Variants in OMA1 observed in about 807,000 individuals in gnomAD.
OMA1 encodes metalloendopeptidase OMA1, mitochondrial.
In OMA1, 38 loss-of-function variants were observed where a neutral mutation model predicts 30.9. The ratio of observed to expected loss-of-function variants is 1.23; its 90% CI spans 0.95 to 1.61. The LOEUF (loss-of-function observed/expected upper bound fraction) is 1.61, where lower values mean the gene tolerates loss of function less well. Among genes scored for constraint, OMA1 ranks in the 40% most tolerant of loss-of-function variants. OMA1 has a pLI of 0.00. For missense variants in OMA1, 461 were observed against 349.2 expected (o/e 1.32, Z -2.55); for synonymous variants, 173 against 121.9 (o/e 1.42, Z -2.76).
chr1:58,533,843 A>G (rs1223050058), intron 5 of OMA1, 110 bp downstream of exon 5: 13 of 719,176 alleles, frequency 1.8e-5, no homozygotes, highest in Non-Finnish European at 3.3e-5. Flanking sequence ...ACCCAAAACT[A>G]AAAGTCTATC....
At chr1:58,503,542 T>A (rs529222714) in intron 8 of OMA1, among the ~76,000 whole-genome samples, 2 of 152,226 alleles carry the variant, frequency 1.3e-5, no homozygotes, top group East Asian at 3.9e-4. Flanking sequence ...AAATTCCAAC[T>A]CCCAATGTGA....
intron 5 of OMA1, among the ~76,000 whole-genome samples, chr1:58,533,654 G>T (rs1192562616): frequency 6.6e-6 from 1 of 152,134 alleles, no homozygotes; most frequent in African/African-American, 2.4e-5. Flanking sequence ...AATAATTATA[G>T]AAAGTTTAAA....
intron 8 of OMA1, among the ~76,000 whole-genome samples, chr1:58,497,364 T>G (rs962827443): frequency 6.6e-6 from 1 of 152,178 alleles, no homozygotes; most frequent in Non-Finnish European, 1.5e-5. Context: ...AGAAATCTGA[T>G]GTAGACAGAA....
rs1324750404 is a variant in OMA1 at position 58,493,579 on chromosome 1, C to A, written c.1366-12405G>T. ...GCAACTTCAGCAAAGTCTCAGGATA[C>A]AAAATCAATGTGCAAAAATCACAAG... On this transcript the variant is annotated intron_variant, in intron 8 of 8. Coordinates refer to ENST00000371226, the MANE Select transcript of OMA1 (RefSeq NM_145243.5). Among the ~76,000 whole-genome samples the A allele has an allele frequency of 5.3e-5, 8 of 151,414 alleles. No individual in the cohort carries two copies. The South Asian group carries it at 1.7e-3, about 32-fold the overall frequency.
intron 8 of OMA1, among the ~76,000 whole-genome samples, chr1:58,481,380 T>A (rs1645479757): frequency 6.6e-6 from 1 of 152,142 alleles, no homozygotes; most frequent in African/African-American, 2.4e-5. Flanking sequence ...CAAATAGTAT[T>A]ATTTTAAAAA....
At chr1:58,513,511 AC>A (rs1314854170) in intron 7 of OMA1, among the ~76,000 whole-genome samples, 1 of 152,200 alleles carries the variant, frequency 6.6e-6, no homozygotes, top group Non-Finnish European at 1.5e-5. Context: ...ACTCTAGGTA[AC>A]CTTTCCTTCT....
chr1:58,499,863 A>G (rs2100402177), intron 8 of OMA1, among the ~76,000 whole-genome samples: 1 of 152,302 alleles, frequency 6.6e-6, no homozygotes, highest in Non-Finnish European at 1.5e-5. Flanking sequence ...TAAAGTATTT[A>G]TGAAACAACT....
At chr1:58,540,499 G>C (rs1646589456) in intron 1 of OMA1, among the ~76,000 whole-genome samples, 1 of 151,572 alleles carries the variant, frequency 6.6e-6, no homozygotes, top group South Asian at 2.1e-4. Context: ...ACATGTTTAA[G>C]AAGCTAAAGG....
intron 8 of OMA1, among the ~76,000 whole-genome samples, chr1:58,500,301 T>C (rs1645885654): frequency 6.6e-6 from 1 of 152,134 alleles, no homozygotes; most frequent in South Asian, 2.1e-4. Flanking sequence ...CTCAACACTC[T>C]CTATGTCAGA....
intron 7 of OMA1, among the ~76,000 whole-genome samples, chr1:58,515,956 A>G (rs895880412): frequency 2.0e-5 from 3 of 152,212 alleles, no homozygotes; most frequent in Non-Finnish European, 4.4e-5. Context: ...TTCTGTGATG[A>G]AAAATAGATT....
At chr1:58,493,879 G>T (rs910665462) in intron 8 of OMA1, among the ~76,000 whole-genome samples, 24 of 151,364 alleles carry the variant, frequency 1.6e-4, no homozygotes, top group Middle Eastern at 3.4e-3. Context: ...TCCCCATCAA[G>T]CTACCAATGA....
chr1:58,526,678 T>C (rs1035583769), intron 7 of OMA1, among the ~76,000 whole-genome samples: 1 of 150,522 alleles, frequency 6.6e-6, no homozygotes, highest in Non-Finnish European at 1.5e-5. Flanking sequence ...ATTTAAATGG[T>C]AGAAAATCAG....
intron 5 of OMA1, among the ~76,000 whole-genome samples, chr1:58,532,089 G>C (rs1569963983): frequency 6.6e-6 from 1 of 152,002 alleles, no homozygotes; most frequent in South Asian, 2.1e-4. Context: ...TGTTATTAAA[G>C]AATATAATTG....
rs760870424 is a variant in OMA1, at chr1:58,534,132, C to T, written c.903+26G>A. 2.3e-5 allele frequency: 20 copies of T among 867,792 alleles called. No individual in the cohort carries two copies. The Admixed American group carries it at 3.3e-4, about 14-fold the overall frequency. 53.8% of individuals were successfully genotyped at this position (867,792 alleles called of 1,614,324 possible). A position where few individuals can be genotyped will look rare whatever the true frequency, so the allele number is the denominator to read the frequency against. ...ATAAGGACAATAAATTTAACAATTA[C>T]AATGCGTTTGAGAACATTTACTTAC... On this transcript the variant is annotated intron_variant, in intron 4 of 8. Transcript: ENST00000371226.
In OMA1 at chr1:58,481,040, T is replaced by A. The variant is rs761654385; in HGVS notation, c.1500A>T (p.Lys500Asn). The A allele has an allele frequency of 5.7e-6, 5 of 872,042 alleles. 1 individual carries two copies. Among genetic ancestry groups the A allele is most frequent in the Middle Eastern group, 2.2e-4 (1 of 4,588 alleles). The allele number at this position is 872,042 out of a possible 1,614,324, so 54.0% of individuals were successfully genotyped here. ...GTTTTTGAATAGGAAGAGTATCCAT[T>A]TTCTGTTTCTTCGTGATATTTAGGT... ...KEDLNITKKQ[K>N]MDTLPIQKQE... The change falls in exon 9 of 9, where the codon AAA becomes AAT. Residue 500 changes from lysine to asparagine, a missense_variant. Physicochemically the swap from Lys to Asn is moderately conservative, Grantham distance 94. Transcript: ENST00000371226.
intron 7 of OMA1, among the ~76,000 whole-genome samples, chr1:58,511,473 C>T (rs949560657): frequency 2.0e-5 from 3 of 152,000 alleles, no homozygotes; most frequent in African/African-American, 7.3e-5. Flanking sequence ...CATGGTGAAA[C>T]CATCTCTACA....
chr1:58,481,631 T>G (rs984620508), intron 8 of OMA1, among the ~76,000 whole-genome samples: 1 of 152,134 alleles, frequency 6.6e-6, no homozygotes, highest in African/African-American at 2.4e-5. Flanking sequence ...GATAATAACC[T>G]AGTGATATGG....
At chr1:58,491,851 A>G (rs559733994) in intron 8 of OMA1, among the ~76,000 whole-genome samples, 48 of 152,356 alleles carry the variant, frequency 3.2e-4, no homozygotes, top group African/African-American at 1.1e-3. Context: ...CATTAGACAG[A>G]TCAATGAGAC....
intron 8 of OMA1, among the ~76,000 whole-genome samples, chr1:58,493,771 T>G (rs1458387520): frequency 6.6e-6 from 1 of 151,546 alleles, no homozygotes; most frequent in African/African-American, 2.4e-5. Flanking sequence ...TAAAAGAGGA[T>G]ACAAACAAAT....
Sources: allele counts gnomAD v4.1 joint callset (sites outside exome capture counted in the v4.1 genomes callset), GRCh38; gene constraint gnomAD v4.1.1; transcripts MANE v1.5; gene names NCBI Gene and HGNC (gene_info 2026-07-23, HGNC 2026-07-21).